Variants in DENND4C observed in about 807,000 individuals in gnomAD.
DENND4C encodes DENN domain containing 4C, also known as DENN domain-containing protein 4C.
In DENND4C, 108 loss-of-function variants were observed where a neutral mutation model predicts 203.0. The observed-to-expected ratio is 0.53, with a 90% CI of 0.46 to 0.62. The LOEUF (loss-of-function observed/expected upper bound fraction) is 0.62, where lower values mean the gene tolerates loss of function less well. Ranked by LOEUF, DENND4C falls within the 20% of genes least tolerant of loss-of-function variation. DENND4C has a pLI of 0.00. For synonymous variants in DENND4C, 871 were observed against 792.4 expected (o/e 1.10, Z -1.67); for missense variants, 2,481 against 2,301.2 (o/e 1.08, Z -1.60).
At chr9:19,327,932 A>T in intron 15 of DENND4C, 98 bp from the exon 16 acceptor site, 1 of 1,126,470 alleles carries the variant, frequency 8.9e-7, no homozygotes, top group Non-Finnish European at 1.2e-6. Context: ...ATAATGTTGG[A>T]TACTATTTGA....
intron 1 of DENND4C, among the ~76,000 whole-genome samples, chr9:19,262,438 TATATC>T (rs1277836604): frequency 6.8e-6 from 1 of 146,710 alleles, no homozygotes; most frequent in Non-Finnish European, 1.5e-5. Flanking sequence ...TTTTTCCAAA[TATATC>T]ATATCTTTTT....
At chr9:19,327,924 A>G (rs1354902425) in intron 15 of DENND4C, 106 bp from the exon 16 acceptor site, 1 of 1,054,068 alleles carries the variant, frequency 9.5e-7, no homozygotes, top group Non-Finnish European at 1.3e-6. Context: ...CATTTAAAAT[A>G]ATGTTGGATA....
At chr9:19,337,614 A>G (rs1260800716) in intron 20 of DENND4C, 1 of 1,283,326 alleles carries the variant, frequency 7.8e-7, no homozygotes, top group Non-Finnish European at 1.0e-6. Flanking sequence ...GACTTATATG[A>G]CGTGAAGCTA....
chr9:19,336,357 C>T lies in DENND4C; in HGVS notation c.2677C>T (p.Gln893Ter). ...KVRNVVRGLA[Q>*]FRQPLKKTVQ... ...ACGGAATGTGGTACGTGGCTTGGCA[C>T]AGTTTAGGCAGCCGCTTAAAAAGAC... The change falls in exon 19 of 33, where the codon CAG (glutamine) becomes TAG (stop). Residue 893 changes from glutamine (Q) to a stop codon, truncating the protein, a stop_gained. Transcript: ENST00000434457. LOFTEE classifies it high-confidence loss of function. 1.2e-6 allele frequency: 2 copies of T among 1,613,924 alleles called. No homozygotes were observed. Among genetic ancestry groups the T allele is most frequent in the South Asian group, 2.2e-5 (2 of 91,046 alleles).
intron 1 of DENND4C, among the ~76,000 whole-genome samples, chr9:19,258,847 G>T (rs1474430209): frequency 6.6e-6 from 1 of 151,962 alleles, no homozygotes; most frequent in Non-Finnish European, 1.5e-5. Context: ...TAGAGACGGG[G>T]TTTCACCATG....
chr9:19,349,924 A>G (rs1218879612), intron 23 of DENND4C, among the ~76,000 whole-genome samples: 3 of 152,230 alleles, frequency 2.0e-5, no homozygotes, highest in African/African-American at 7.2e-5. Flanking sequence ...AAAGATGTAT[A>G]TCAAGATTTT....
chr9:19,311,592 T>C (rs952165845), intron 10 of DENND4C, among the ~76,000 whole-genome samples: 4 of 152,116 alleles, frequency 2.6e-5, no homozygotes, highest in African/African-American at 9.7e-5. Flanking sequence ...AATAACTCTA[T>C]AGAAAAATAG....
intron 1 of DENND4C, among the ~76,000 whole-genome samples, chr9:19,274,386 A>G (rs991295567): frequency 1.4e-4 from 21 of 150,506 alleles, no homozygotes; most frequent in African/African-American, 4.2e-4. Flanking sequence ...ACCTCCGCCT[A>G]CCGGGTTCAA....
At chr9:19,268,450 T>C (rs958103635) in intron 1 of DENND4C, among the ~76,000 whole-genome samples, 1 of 152,350 alleles carries the variant, frequency 6.6e-6, no homozygotes, top group Middle Eastern at 3.4e-3. Context: ...GTTTGAGATA[T>C]GAGTAGTTTA....
chr9:19,308,250 A>G (rs1840069546), intron 10 of DENND4C, among the ~76,000 whole-genome samples: 1 of 152,144 alleles, frequency 6.6e-6, no homozygotes, highest in Non-Finnish European at 1.5e-5. Flanking sequence ...AGCATTTTCA[A>G]CTTAATAGCT....
At chr9:19,259,566 G>A (rs1400704833) in intron 1 of DENND4C, among the ~76,000 whole-genome samples, 4 of 148,282 alleles carry the variant, frequency 2.7e-5, no homozygotes, top group Admixed American at 6.8e-5. Context: ...GTGCAGTGGC[G>A]CGATCTTGGC....
intron 7 of DENND4C, among the ~76,000 whole-genome samples, chr9:19,298,878 G>T (rs539066379): frequency 6.6e-6 from 1 of 152,050 alleles, no homozygotes; most frequent in African/African-American, 2.4e-5. Context: ...AAGTATTTAC[G>T]TGCCAAGCAA....
chr9:19,347,252 G>C (rs1420361505), intron 23 of DENND4C, among the ~76,000 whole-genome samples, 166 bp downstream of exon 23: 1 of 152,114 alleles, frequency 6.6e-6, no homozygotes, highest in Non-Finnish European at 1.5e-5. Context: ...CGATTCTCTT[G>C]CCTGAGTAGT....
intron 1 of DENND4C, among the ~76,000 whole-genome samples, chr9:19,238,337 C>T (rs1414351199): frequency 6.6e-6 from 1 of 151,798 alleles, no homozygotes; most frequent in African/African-American, 2.4e-5. Context: ...CGGCCTTGGC[C>T]TCCCAAAGTG....
chr9:19,319,365 CAT>C (rs1306129672), intron 12 of DENND4C, among the ~76,000 whole-genome samples: 5 of 111,920 alleles, frequency 4.5e-5, no homozygotes, highest in South Asian at 2.6e-4. Flanking sequence ...TATATACACA[CAT>C]ATATATACAC....
At chr9:19,237,138 A>G (rs1256169751) in intron 1 of DENND4C, among the ~76,000 whole-genome samples, 2 of 152,014 alleles carry the variant, frequency 1.3e-5, no homozygotes, top group African/African-American at 2.4e-5. Context: ...CTCCTGCCTC[A>G]GCTTCCTGAG....
chr9:19,311,373 A>G (rs1840709354), intron 10 of DENND4C, among the ~76,000 whole-genome samples: 1 of 152,022 alleles, frequency 6.6e-6, no homozygotes, highest in Non-Finnish European at 1.5e-5. Context: ...TGATCCGCCC[A>G]CCTCGGCCTC....
intron 1 of DENND4C, 65 bp from the exon 2 acceptor site, chr9:19,276,093 A>T (rs559279718): frequency 2.6e-6 from 2 of 779,098 alleles, no homozygotes; most frequent in Non-Finnish European, 1.7e-6. Flanking sequence ...TAACTCAAGG[A>T]TATATTAATT....
At chr9:19,347,247 C>G (rs1245372552) in intron 23 of DENND4C, among the ~76,000 whole-genome samples, 161 bp downstream of exon 23, 1 of 152,210 alleles carries the variant, frequency 6.6e-6, no homozygotes, top group Non-Finnish European at 1.5e-5. Context: ...TTGAGCGATT[C>G]TCTTGCCTGA....
Sources: gnomAD v4.1 joint callset for allele counts (sites outside exome capture counted in the v4.1 genomes callset) on GRCh38, gnomAD v4.1.1 for gene constraint, MANE v1.5 for transcripts, NCBI Gene and HGNC (gene_info 2026-07-23, HGNC 2026-07-21) for gene names.